TAFA1: variants seen among roughly 807,000 people sequenced by gnomAD.
The protein encoded by TAFA1 is TAFA chemokine like family member 1, also known as chemokine-like protein TAFA-1.
A neutral mutation model predicts 18.5 loss-of-function variants in TAFA1; 4 were observed. The ratio of observed to expected loss-of-function variants is 0.22; its 90% CI spans 0.11 to 0.49. TAFA1 has a LOEUF of 0.49. Among genes scored for constraint, TAFA1 ranks in the 20% least tolerant of loss-of-function variants. The probability of loss-of-function intolerance (pLI) is 0.98; values close to 1 mark genes in which losing one functional copy is unlikely to be tolerated. For missense variants in TAFA1, 147 were observed against 169.0 expected (o/e 0.87, Z 0.72); for synonymous variants, 56 against 55.2 (o/e 1.01, Z -0.06).
intron 2 of TAFA1, among the ~76,000 whole-genome samples, chr3:68,333,872 G>A (rs2068923963): frequency 6.6e-6 from 1 of 152,172 alleles, no homozygotes; most frequent in African/African-American, 2.4e-5. Flanking sequence ...TGAACCTGGA[G>A]GATGTTATTA....
chr3:68,199,905 C>T (rs562925874), intron 2 of TAFA1, among the ~76,000 whole-genome samples: 2 of 151,388 alleles, frequency 1.3e-5, no homozygotes, highest in Non-Finnish European at 3.0e-5. Flanking sequence ...GAGGCGACAC[C>T]CTTGCATTGT....
At chr3:68,443,661 A>G (rs1248778796) in intron 3 of TAFA1, among the ~76,000 whole-genome samples, 1 of 152,086 alleles carries the variant, frequency 6.6e-6, no homozygotes, top group Admixed American at 6.6e-5. Context: ...CTCATTCACT[A>G]TCACAAGAAC....
intron 3 of TAFA1, among the ~76,000 whole-genome samples, chr3:68,519,795 C>T (rs887727546): frequency 6.6e-6 from 1 of 152,130 alleles, no homozygotes; most frequent in Non-Finnish European, 1.5e-5. Flanking sequence ...ATGAGGGCTC[C>T]ACTTTCATGA....
At chr3:68,363,484 T>C (rs565621164) in intron 2 of TAFA1, among the ~76,000 whole-genome samples, 1 of 152,148 alleles carries the variant, frequency 6.6e-6, no homozygotes, top group Admixed American at 6.6e-5. Context: ...GAATGACTTT[T>C]CTAAGGCCTC....
intron 2 of TAFA1, among the ~76,000 whole-genome samples, chr3:68,187,204 T>G (rs1312836310): frequency 2.0e-5 from 3 of 152,060 alleles, no homozygotes; most frequent in Non-Finnish European, 4.4e-5. Context: ...CATCACCTTC[T>G]GTTTATAAGC....
intron 2 of TAFA1, among the ~76,000 whole-genome samples, chr3:68,052,346 T>C (rs1174786470): frequency 3.3e-5 from 5 of 152,140 alleles, no homozygotes; most frequent in Non-Finnish European, 7.4e-5. Context: ...TGGCACTCTT[T>C]TTTGTTTTGG....
chr3:68,227,984 C>G (rs1008162699), intron 2 of TAFA1, among the ~76,000 whole-genome samples: 1 of 152,094 alleles, frequency 6.6e-6, no homozygotes. Flanking sequence ...GAAAACAGCC[C>G]AGGGTGCAAC....
At chr3:68,528,862 GA>G (rs1458368963) in intron 3 of TAFA1, among the ~76,000 whole-genome samples, 1 of 152,110 alleles carries the variant, frequency 6.6e-6, no homozygotes, top group African/African-American at 2.4e-5. Flanking sequence ...GGTTTGGCAT[GA>G]TTTTATTCTT....
chr3:68,526,087 A>G (rs546922868), intron 3 of TAFA1, among the ~76,000 whole-genome samples: 6 of 152,306 alleles, frequency 3.9e-5, no homozygotes, highest in East Asian at 1.9e-4. Context: ...GTTAAGAGAC[A>G]CTTCTCTCCT....
intron 2 of TAFA1, among the ~76,000 whole-genome samples, chr3:68,321,331 G>A (rs1325783147): frequency 1.3e-5 from 2 of 152,144 alleles, no homozygotes; most frequent in East Asian, 1.9e-4. Flanking sequence ...TTAGTTGTAA[G>A]ATTTAATAAG....
At chr3:68,416,028 A>C (rs191364991) in intron 2 of TAFA1, among the ~76,000 whole-genome samples, 62 of 152,300 alleles carry the variant, frequency 4.1e-4, no homozygotes, top group Non-Finnish European at 3.5e-4. Context: ...TGGGATGTTT[A>C]ACATAGCCCT....
chr3:68,497,427 T>A (rs1267116847), intron 3 of TAFA1, among the ~76,000 whole-genome samples: 1 of 152,094 alleles, frequency 6.6e-6, no homozygotes, highest in African/African-American at 2.4e-5. Flanking sequence ...TACAATAATC[T>A]AATGTGGTCT....
intron 2 of TAFA1, among the ~76,000 whole-genome samples, chr3:68,044,670 A>G (rs1389301939): frequency 6.6e-6 from 1 of 152,218 alleles, no homozygotes; most frequent in Non-Finnish European, 1.5e-5. Context: ...AAGTAGAGAG[A>G]GAGAAAGTGT....
chr3:68,406,058 C>T (rs1378430138), intron 2 of TAFA1, among the ~76,000 whole-genome samples: 2 of 152,104 alleles, frequency 1.3e-5, no homozygotes, highest in African/African-American at 2.4e-5. Context: ...ATTTTGCTTA[C>T]AGGGACGAGG....
chr3:68,265,738 T>C (rs2067529160), intron 2 of TAFA1, among the ~76,000 whole-genome samples: 2 of 152,160 alleles, frequency 1.3e-5, no homozygotes, highest in South Asian at 4.1e-4. Context: ...GATCCGTTCA[T>C]TCCCCTGGCT....
chr3:68,339,246 G>C (rs1351956348), intron 2 of TAFA1, among the ~76,000 whole-genome samples: 1 of 152,118 alleles, frequency 6.6e-6, no homozygotes, highest in Admixed American at 6.5e-5. Flanking sequence ...TCTGAGTGTG[G>C]CATTAAAAGA....
At chr3:68,032,489 T>C (rs2106655462) in intron 2 of TAFA1, among the ~76,000 whole-genome samples, 1 of 152,280 alleles carries the variant, frequency 6.6e-6, no homozygotes, top group East Asian at 1.9e-4. Context: ...AAGTAAGACT[T>C]TGTTGACAGA....
chr3:67,997,298 A>C, the TAFA1 span, among the ~76,000 whole-genome samples: 1 of 152,186 alleles, frequency 6.6e-6, no homozygotes, highest in Non-Finnish European at 1.5e-5. Context: ...ACTGATATGC[A>C]TCTAGCAATG....
chr3:68,006,575 T>C, intron 1 of TAFA1, 49 bp from the exon 2 acceptor site: 2 of 1,260,986 alleles, frequency 1.6e-6, no homozygotes, highest in Non-Finnish European at 2.3e-6. Flanking sequence ...CTGACTGAGC[T>C]GGGGGCTTGA....
Sources: allele counts gnomAD v4.1 joint callset (sites outside exome capture counted in the v4.1 genomes callset), GRCh38; gene constraint gnomAD v4.1.1; transcripts MANE v1.5; gene names NCBI Gene and HGNC (gene_info 2026-07-23, HGNC 2026-07-21).